POF1B: variants seen among roughly 807,000 people sequenced by gnomAD.
POF1B encodes the protein POF1B actin binding protein, also known as protein POF1B.
A neutral mutation model predicts 55.3 loss-of-function variants in POF1B; 53 were observed. The observed-to-expected ratio is 0.96, with a 90% CI of 0.77 to 1.20. POF1B has a LOEUF of 1.20. Among genes scored for constraint, POF1B ranks in the 50% most tolerant of loss-of-function variants. The pLI is 0.00. For missense variants in POF1B, 478 were observed against 420.5 expected, an observed-to-expected ratio of 1.14 and a Z score of -1.20; for synonymous variants, 188 against 148.3, an observed-to-expected ratio of 1.27 and a Z score of -1.95.
rs904852812 is a variant in POF1B, at chrX:85,376,308, C to T, written c.282+2865G>A. 5.1e-4 allele frequency among the ~76,000 whole-genome samples: 57 copies of T among 111,480 alleles called. 1 individual carries two copies. The highest frequency in any genetic ancestry group is 3.8e-5 in the Non-Finnish European group (2 of 53,028). On this transcript the variant is annotated intron_variant, in intron 2 of 16. Coordinates refer to ENST00000262753, the MANE Select transcript of POF1B (RefSeq NM_024921.4). ...TCATATCAATGTTGCTCATTTAAGG[C>T]ATTTCATTTTGAGTTAATGATGGTA... is the stretch of plus-strand genomic sequence containing the variant.
Position 85,318,703 on chromosome X carries a change from A to T in POF1B, c.855-2969T>A, listed in dbSNP as rs1350120591. 3.6e-5 allele frequency among the ~76,000 whole-genome samples: 4 copies of T among 110,790 alleles called. No homozygotes were observed. The East Asian group carries it at 1.1e-3, about 32-fold the overall frequency. ...GTAGGTGTTTGGCATTATTTCTGGGATCTCTATTCTGTTCTATGGGTCTGT... is the reference window on the plus strand; with the variant it reads ...GTAGGTGTTTGGCATTATTTCTGGGTTCTCTATTCTGTTCTATGGGTCTGT... On this transcript the variant is annotated intron_variant, in intron 7 of 16. Transcript: ENST00000262753.
At chrX:85,372,234 C>T (rs1933836675) in intron 2 of POF1B, among the ~76,000 whole-genome samples, 1 of 108,521 alleles carries the variant, frequency 9.2e-6, no homozygotes, top group South Asian at 4.1e-4. Flanking sequence ...TTCCCAGCTA[C>T]TCAGGAGGCT....
chrX:85,308,577 G>A (rs1221044872), intron 9 of POF1B, among the ~76,000 whole-genome samples: 1 of 111,708 alleles, frequency 9.0e-6, no homozygotes, highest in Non-Finnish European at 1.9e-5. Flanking sequence ...CTCCCTAAGT[G>A]TATTGCCAAC....
intron 15 of POF1B, among the ~76,000 whole-genome samples, chrX:85,295,378 A>G (rs1316612038): frequency 9.0e-6 from 1 of 111,614 alleles, no homozygotes; most frequent in Non-Finnish European, 1.9e-5. Flanking sequence ...ACTTCCTCTT[A>G]ACACTGCTTT....
chrX:85,284,209 T>G (rs1325582693), intron 15 of POF1B, among the ~76,000 whole-genome samples: 1 of 111,215 alleles, frequency 9.0e-6, no homozygotes, highest in Admixed American at 9.6e-5. Flanking sequence ...AGAATCAATA[T>G]CGTGAAAATG....
At position 85,377,814 on chromosome X, in the gene POF1B, G is replaced by A. The variant is rs776831159; in HGVS notation, c.282+1359C>T. ...TAAAACATACTCCTAAAAATTGTCC[G>A]GTAGCCAATATTTATAATTTGTCAA... On this transcript the variant is annotated intron_variant, in intron 2 of 16. Transcript: ENST00000262753. 1.4e-4 allele frequency among the ~76,000 whole-genome samples: 16 copies of A among 111,613 alleles called. No individual in the cohort carries two copies. In the South Asian group the frequency reaches 5.6e-3, roughly 39 times the overall value.
intron 4 of POF1B, among the ~76,000 whole-genome samples, chrX:85,352,323 A>T (rs1933407396): frequency 9.0e-6 from 1 of 111,136 alleles, no homozygotes; most frequent in African/African-American, 3.3e-5. Context: ...TTTGTGATAT[A>T]GGGGAATACT....
At chrX:85,302,730 A>G (rs910136142) in intron 15 of POF1B, among the ~76,000 whole-genome samples, 1 of 112,249 alleles carries the variant, frequency 8.9e-6, no homozygotes, top group African/African-American at 3.2e-5. Flanking sequence ...ACTGGATATT[A>G]TTTAGCAACC....
chrX:85,308,182 A>G lies in POF1B; in HGVS notation c.992T>C (p.Val331Ala). Reference sequence around the variant, plus strand: ...CCGTATGTTGCTAAATGTGGACAGCACTAGTCGGAGTGACTTATCAGACAT... The same window carrying G: ...CCGTATGTTGCTAAATGTGGACAGCGCTAGTCGGAGTGACTTATCAGACAT... ...RGMSDKSLRL[V>A]LSTFSNIREE... is the part of the protein sequence containing the mutation. The change falls in exon 10 of 17, where the codon GTG becomes GCG. Residue 331 changes from valine to alanine, a missense_variant. Coordinates refer to ENST00000262753, the MANE Select transcript of POF1B (RefSeq NM_024921.4). 8.4e-7 allele frequency: 1 copy of G among 1,187,984 alleles called. No individual in the cohort carries two copies. The highest frequency in any genetic ancestry group is 1.1e-6 in the Non-Finnish European group (1 of 880,970).
At chrX:85,306,499 T>C (rs773361558) in intron 11 of POF1B, among the ~76,000 whole-genome samples, 166 bp from the exon 12 acceptor site, 2 of 111,468 alleles carry the variant, frequency 1.8e-5, no homozygotes, top group Non-Finnish European at 3.8e-5. Context: ...TAAGATATTA[T>C]AGTGTTGCCT....
At position 85,303,480 on chromosome X, in the gene POF1B, G is replaced by A. The variant is rs1226167248; in HGVS notation, c.1575C>T (p.Ser525=). The A allele has an allele frequency of 8.6e-7, 1 of 1,160,570 alleles. No individual in the cohort carries two copies. Among genetic ancestry groups the A allele is most frequent in the Non-Finnish European group, 1.2e-6 (1 of 855,347 alleles). The change falls in exon 15 of 17, where the codon TCC becomes TCT. Residue 525 remains serine (S), a synonymous_variant. Coordinates refer to ENST00000262753, the MANE Select transcript of POF1B (RefSeq NM_024921.4). ...AGGAATATATTTCTTGCCGCAACTT[G>A]GAGAGTTCCTTACAAATAAAAGATA... ...SLIKRQSEEL[S]KLRQEIYSSH...
intron 3 of POF1B, among the ~76,000 whole-genome samples, chrX:85,366,546 C>G (rs1372785278): frequency 3.6e-5 from 4 of 110,799 alleles, no homozygotes; most frequent in Non-Finnish European, 5.7e-5. Flanking sequence ...ATTTTAAAAC[C>G]CTTAATTATG....
intron 5 of POF1B, among the ~76,000 whole-genome samples, chrX:85,349,375 G>T (rs759485552): frequency 9.0e-6 from 1 of 111,012 alleles, no homozygotes; most frequent in Admixed American, 9.6e-5. Context: ...TTTTGTCATC[G>T]CAACTGATTT....
At chrX:85,282,444 T>C in intron 15 of POF1B, 127 bp from the exon 16 acceptor site, 1 of 345,342 alleles carries the variant, frequency 2.9e-6, no homozygotes, top group Non-Finnish European at 4.8e-6. Flanking sequence ...TAACTGTTAC[T>C]GAAAAAACAA....
At chrX:85,321,024 C>G (rs1051409344) in intron 7 of POF1B, among the ~76,000 whole-genome samples, 8 of 111,346 alleles carry the variant, frequency 7.2e-5, no homozygotes, top group African/African-American at 2.3e-4. Context: ...CAAGGAGGAG[C>G]TGGTACCATT....
chrX:85,359,685 G>T, intron 3 of POF1B, 55 bp from the exon 4 acceptor site: 1 of 844,106 alleles, frequency 1.2e-6, no homozygotes, highest in Non-Finnish European at 1.7e-6. Flanking sequence ...TGAGCTTGGA[G>T]CTATCAATAA....
intron 6 of POF1B, among the ~76,000 whole-genome samples, chrX:85,335,385 A>AGATTACTACTTGATTTTGC (rs1393645643): frequency 9.0e-6 from 1 of 111,495 alleles, no homozygotes; most frequent in Non-Finnish European, 1.9e-5. Flanking sequence ...TGGATGTATA[A>AGATTACTACTTGATTTTGC]GATTACTACT....
intron 7 of POF1B, among the ~76,000 whole-genome samples, chrX:85,319,958 T>A (rs190277025): frequency 2.2e-3 from 248 of 111,348 alleles, no homozygotes; most frequent in African/African-American, 7.7e-3. Context: ...CAACTCTTCC[T>A]TATACATTTG....
At chrX:85,326,575 A>T (rs1932900052) in intron 7 of POF1B, among the ~76,000 whole-genome samples, 1 of 110,181 alleles carries the variant, frequency 9.1e-6, no homozygotes, top group Non-Finnish European at 1.9e-5. Flanking sequence ...GGGGGGCGGG[A>T]TGCACGGACG....
Sources: gnomAD v4.1 joint callset for allele counts (sites outside exome capture counted in the v4.1 genomes callset) on GRCh38, gnomAD v4.1.1 for gene constraint, MANE v1.5 for transcripts, NCBI Gene and HGNC (gene_info 2026-07-23, HGNC 2026-07-21) for gene names.